The following TRDN variants were observed in gnomAD, a reference collection of about 807,000 sequenced individuals.
TRDN encodes the protein triadin.
Under a neutral mutation model 149.7 loss-of-function variants are expected in TRDN, and 161 were observed. That is an observed-to-expected ratio of 1.08 (90% confidence interval 0.95 to 1.23). The LOEUF (loss-of-function observed/expected upper bound fraction) is 1.23, where lower values mean the gene tolerates loss of function less well. Ranked by LOEUF, TRDN falls within the 50% of genes most tolerant of loss-of-function variation. The pLI, the probability that TRDN is intolerant of heterozygous loss-of-function variation, is 0.00. For synonymous variants in TRDN, 294 were observed against 250.5 expected, an observed-to-expected ratio of 1.17 and a Z score of -1.64; for missense variants, 896 against 823.5, an observed-to-expected ratio of 1.09 and a Z score of -1.08.
In TRDN at chr6:123,555,426, C is replaced by A. The variant is rs114200615; in HGVS notation, c.233-6814G>T. Among the ~76,000 whole-genome samples the A allele has an allele frequency of 2.9e-3, 446 of 152,206 alleles. 2 individuals are homozygous for A. The highest frequency in any genetic ancestry group is 0.01 in the African/African-American group (422 of 41,548). On this transcript the variant is annotated intron_variant, in intron 2 of 40. Coordinates refer to ENST00000334268, the MANE Select transcript of TRDN (RefSeq NM_006073.4). ...CATTCAAAAAATGTTTATTGCAACA[C>A]CTTTATTCCTCTGTATTTAACCCCT...
intron 22 of TRDN, among the ~76,000 whole-genome samples, chr6:123,334,167 G>A (rs1562266322): frequency 6.6e-6 from 1 of 151,906 alleles, no homozygotes; most frequent in Non-Finnish European, 1.5e-5. Context: ...AGTGGAAATG[G>A]CCAAGAAAAA....
At chr6:123,387,800 G>A (rs1489739869) in intron 14 of TRDN, among the ~76,000 whole-genome samples, 1 of 152,046 alleles carries the variant, frequency 6.6e-6, no homozygotes, top group Non-Finnish European at 1.5e-5. Flanking sequence ...ATTATTATAG[G>A]AAGAATTAAA....
chr6:123,253,976 A>G (rs1776465718), intron 37 of TRDN, among the ~76,000 whole-genome samples: 1 of 152,126 alleles, frequency 6.6e-6, no homozygotes, highest in Non-Finnish European at 1.5e-5. Context: ...AAAACATACA[A>G]ACTTGGAGCC....
intron 1 of TRDN, among the ~76,000 whole-genome samples, chr6:123,624,565 C>T (rs1785554142): frequency 6.6e-6 from 1 of 152,094 alleles, no homozygotes. Flanking sequence ...GTCTATGGAC[C>T]CTGTCATGCT....
At chr6:123,271,045 G>C in intron 30 of TRDN, 94 bp downstream of exon 30, 1 of 646,094 alleles carries the variant, frequency 1.5e-6, no homozygotes, top group Non-Finnish European at 2.5e-6. Context: ...AGGGCTGTGT[G>C]TGTGTGTGTG....
chr6:123,393,623 C>G lies in TRDN; in HGVS notation c.1105+1G>C. ...GCTTTTTAAAGTGTTTTATTGCTTA[C>G]CTTGTGCTGCAATTTTTACAGTCCC... On this transcript the variant is annotated splice_donor_variant, in intron 13 of 40. Transcript: ENST00000334268. LOFTEE classifies it high-confidence loss of function. 2.5e-6 allele frequency: 4 copies of G among 1,602,144 alleles called. No individual in the cohort carries two copies. Among genetic ancestry groups the G allele is most frequent in the Non-Finnish European group, 3.4e-6 (4 of 1,173,344 alleles).
intron 21 of TRDN, chr6:123,350,668 T>C: frequency 5.1e-6 from 4 of 780,588 alleles, no homozygotes; most frequent in Non-Finnish European, 6.2e-6. Context: ...ATAGATATAC[T>C]ATCATAAAAA....
At chr6:123,390,372 A>G (rs972130765) in intron 13 of TRDN, among the ~76,000 whole-genome samples, 4 of 152,214 alleles carry the variant, frequency 2.6e-5, no homozygotes, top group Admixed American at 6.5e-5. Flanking sequence ...AACAATCTGT[A>G]CATATGCATA....
chr6:123,393,523 C>G (rs1053496155), intron 13 of TRDN, 101 bp downstream of exon 13: 1 of 997,412 alleles, frequency 1.0e-6, no homozygotes. Context: ...AATATCCCAG[C>G]AGATGGTGCT....
In TRDN at chr6:123,271,152, TG is replaced by T; in HGVS notation, c.1706del (p.Thr569LysfsTer2). 1 of 1,536,918 alleles carries T rather than the reference TG, an allele frequency of 6.5e-7. No individual in the cohort carries two copies. Among genetic ancestry groups the T allele is most frequent in the Non-Finnish European group, 8.8e-7 (1 of 1,142,200 alleles). On this transcript the variant is annotated frameshift_variant, in exon 30 of 41. Coordinates refer to ENST00000334268, the MANE Select transcript of TRDN (RefSeq NM_006073.4). LOFTEE classifies it high-confidence loss of function. ...EKVLKQVKAVTIEKTAKPKPT... is the reference protein window; with the variant it reads ...EKVLKQVKAVXIEKTAKPKPT... ...TACCTTATTTACCTGTTTTTTCTAT[TG>T]TGACAGCTTTTACCTGCTTGAGAAC... is the stretch of plus-strand genomic sequence containing the variant.
chr6:123,303,722 T>C (rs1778509952), intron 24 of TRDN, among the ~76,000 whole-genome samples: 2 of 152,070 alleles, frequency 1.3e-5, no homozygotes, highest in African/African-American at 4.8e-5. Flanking sequence ...ATTAAACAAG[T>C]AGAAACTATG....
intron 12 of TRDN, among the ~76,000 whole-genome samples, chr6:123,425,212 GAGC>G (rs1224669041): frequency 1.3e-5 from 2 of 149,524 alleles, no homozygotes; most frequent in Non-Finnish European, 3.0e-5. Flanking sequence ...ACTGAGCATA[GAGC>G]CACATTCAGA....
At chr6:123,304,913 C>A (rs1778554591) in intron 24 of TRDN, among the ~76,000 whole-genome samples, 1 of 151,932 alleles carries the variant, frequency 6.6e-6, no homozygotes, top group South Asian at 2.1e-4. Context: ...CAAAAAAAGT[C>A]TTTCTTAAGC....
intron 1 of TRDN, among the ~76,000 whole-genome samples, chr6:123,584,341 T>G (rs1783307931): frequency 6.6e-6 from 1 of 152,144 alleles, no homozygotes; most frequent in African/African-American, 2.4e-5. Context: ...GTTTGTGATT[T>G]TGACGGCCTC....
intron 38 of TRDN, among the ~76,000 whole-genome samples, chr6:123,237,374 C>T (rs151186552): frequency 3.3e-5 from 5 of 152,012 alleles, no homozygotes; most frequent in East Asian, 1.9e-4. Context: ...CTCAGCTTCC[C>T]GAGTGGCTGG....
At chr6:123,529,442 C>A in intron 5 of TRDN, 1 of 1,207,898 alleles carries the variant, frequency 8.3e-7, no homozygotes, top group Non-Finnish European at 1.2e-6. Context: ...AGAATGAATT[C>A]AAACATTAGG....
chr6:123,358,641 A>ATTGTATTGTT (rs145187685), intron 20 of TRDN, among the ~76,000 whole-genome samples: 3 of 151,050 alleles, frequency 2.0e-5, no homozygotes, highest in Admixed American at 6.6e-5. Flanking sequence ...ATTTTTTTGT[A>ATTGTATTGTT]TTGTTTTGTT....
intron 38 of TRDN, among the ~76,000 whole-genome samples, chr6:123,224,920 A>G (rs1281226623): frequency 6.6e-6 from 1 of 151,780 alleles, no homozygotes; most frequent in Non-Finnish European, 1.5e-5. Context: ...TCACACTAAA[A>G]TGTTTGTGTA....
chr6:123,611,943 G>A (rs1784833281), intron 1 of TRDN, among the ~76,000 whole-genome samples: 3 of 151,996 alleles, frequency 2.0e-5, no homozygotes, highest in African/African-American at 7.2e-5. Flanking sequence ...ATGACTAAAA[G>A]TCTGGAAATA....
Sources: allele counts gnomAD v4.1 joint callset (sites outside exome capture counted in the v4.1 genomes callset), GRCh38; gene constraint gnomAD v4.1.1; transcripts MANE v1.5; gene names NCBI Gene and HGNC (gene_info 2026-07-23, HGNC 2026-07-21).